The following TAS2R1 variants were observed in gnomAD, a reference collection of about 807,000 sequenced individuals.
TAS2R1 encodes taste receptor type 2 member 1.
For missense variants in TAS2R1, 370 were observed against 353.4 expected (o/e 1.05, Z -0.38); for synonymous variants, 141 against 134.2 (o/e 1.05, Z -0.35).
upstream of TAS2R1, among the ~76,000 whole-genome samples, chr5:9,716,929 A>T (rs1485522903): frequency 1.3e-5 from 2 of 152,124 alleles, no homozygotes; most frequent in African/African-American, 4.8e-5. Context: ...ACCACACAGG[A>T]CTCATGCCTT....
intron 1 of TAS2R1, among the ~76,000 whole-genome samples, chr5:9,687,642 G>A (rs148962275): frequency 5.7e-4 from 86 of 152,094 alleles, no homozygotes; most frequent in African/African-American, 1.9e-3. Context: ...TTCACTAACC[G>A]TACTCCCGTC....
the TAS2R1 span, among the ~76,000 whole-genome samples, chr5:9,819,712 TAAGCCATATCA>T: frequency 2.0e-5 from 3 of 152,136 alleles, no homozygotes; most frequent in Admixed American, 2.0e-4. Flanking sequence ...TTAAAGCAGA[TAAGCCATATCA>T]AAACACAAAA....
At chr5:9,700,797 T>C (rs1187272575) in intron 1 of TAS2R1, among the ~76,000 whole-genome samples, 1 of 152,158 alleles carries the variant, frequency 6.6e-6, no homozygotes, top group African/African-American at 2.4e-5. Flanking sequence ...CTTCTTTCTG[T>C]GCATGTCTCT....
chr5:9,852,266 A>G, the TAS2R1 span, among the ~76,000 whole-genome samples: 1 of 152,020 alleles, frequency 6.6e-6, no homozygotes, highest in Non-Finnish European at 1.5e-5. Flanking sequence ...AAAATTATTG[A>G]GGTCCACTAG....
chr5:9,898,786 G>A, the TAS2R1 span, among the ~76,000 whole-genome samples: 2 of 152,162 alleles, frequency 1.3e-5, no homozygotes, highest in Non-Finnish European at 1.5e-5. Context: ...CCAGATTCCT[G>A]CACCCCTGTC....
chr5:9,656,272 T>G (rs1740417110), intron 2 of TAS2R1, among the ~76,000 whole-genome samples: 1 of 152,240 alleles, frequency 6.6e-6, no homozygotes, highest in Admixed American at 6.5e-5. Context: ...GTTGTGGCAC[T>G]TTCACTCACT....
At chr5:9,716,576 C>A (rs1017352382), upstream of TAS2R1, among the ~76,000 whole-genome samples, 9 of 151,708 alleles carry the variant, frequency 5.9e-5, no homozygotes, top group Non-Finnish European at 8.8e-5. Flanking sequence ...CTTACAGTTA[C>A]TTCCAAACCT....
the TAS2R1 span, among the ~76,000 whole-genome samples, chr5:9,728,177 G>T: frequency 6.6e-6 from 1 of 152,010 alleles, no homozygotes; most frequent in Non-Finnish European, 1.5e-5. Flanking sequence ...ATAGAATGGG[G>T]TCTCAAAGTT....
the TAS2R1 span, among the ~76,000 whole-genome samples, chr5:9,763,479 G>C: frequency 1.3e-5 from 2 of 151,982 alleles, no homozygotes; most frequent in African/African-American, 4.8e-5. Context: ...ACTCCAGCTT[G>C]GGTGACAGAG....
the TAS2R1 span, among the ~76,000 whole-genome samples, chr5:9,774,629 T>C: frequency 3.9e-5 from 6 of 152,276 alleles, no homozygotes; most frequent in African/African-American, 1.4e-4. Flanking sequence ...TTTGGTCATG[T>C]AGCCATATCT....
At chr5:9,873,672 G>C in the TAS2R1 span, among the ~76,000 whole-genome samples, 1 of 151,976 alleles carries the variant, frequency 6.6e-6, no homozygotes, top group African/African-American at 2.4e-5. Context: ...TTCAAGACCA[G>C]CCTGGGCAAC....
intron 1 of TAS2R1, among the ~76,000 whole-genome samples, chr5:9,699,344 G>T (rs1018201599): frequency 6.6e-6 from 1 of 152,210 alleles, no homozygotes; most frequent in African/African-American, 2.4e-5. Context: ...TCCCTTCGAC[G>T]CTTTCATGCT....
the TAS2R1 span, among the ~76,000 whole-genome samples, chr5:9,788,596 AAAAAT>A: frequency 6.6e-6 from 1 of 152,226 alleles, no homozygotes; most frequent in African/African-American, 2.4e-5. Context: ...GTCTCTTAAA[AAAAAT>A]AAAATAAAAA....
chr5:9,743,149 A>T, the TAS2R1 span, among the ~76,000 whole-genome samples: 1 of 151,940 alleles, frequency 6.6e-6, no homozygotes, highest in Non-Finnish European at 1.5e-5. Context: ...CTTATGATAC[A>T]TTCCAGATTA....
the TAS2R1 span, among the ~76,000 whole-genome samples, chr5:9,812,833 GT>G: frequency 6.6e-6 from 1 of 152,102 alleles, no homozygotes; most frequent in Non-Finnish European, 1.5e-5. Context: ...ATGCCTCCCA[GT>G]TTTTTTCTCT....
chr5:9,896,794 T>C, the TAS2R1 span, among the ~76,000 whole-genome samples: 22 of 152,278 alleles, frequency 1.4e-4, 1 homozygote, highest in African/African-American at 4.6e-4. Context: ...AATTATTTTG[T>C]ATCTCCCCAA....
the TAS2R1 span, among the ~76,000 whole-genome samples, chr5:9,724,278 A>G: frequency 2.0e-5 from 3 of 150,962 alleles, no homozygotes; most frequent in Admixed American, 6.6e-5. Flanking sequence ...TTCTGGCTCT[A>G]TTTTAACTTC....
rs1739849581 is a variant in TAS2R1, at chr5:9,630,268, C to T, written c.-236G>A. 3.0e-6 allele frequency: 1 copy of T among 328,740 alleles called. No individual in the cohort carries two copies. Among genetic ancestry groups the T allele is most frequent in the Non-Finnish European group, 5.8e-6 (1 of 172,574 alleles). 20.4% of individuals were successfully genotyped at this position (328,740 alleles called of 1,614,324 possible). On this transcript the variant is annotated 5_prime_UTR_variant, in exon 1 of 1. Transcript: ENST00000382492. Reference sequence around the variant, plus strand: ...GCATCAATTTGCTTCTTATTGATGGCTTTTGCATTTTACAGGTTTACCTAG... The same window carrying T: ...GCATCAATTTGCTTCTTATTGATGGTTTTTGCATTTTACAGGTTTACCTAG...
rs1413735546 is a variant in TAS2R1, at chr5:9,630,133, G to C, written c.-101C>G. 9 of 974,906 alleles carry C rather than the reference G, an allele frequency of 9.2e-6. No homozygotes were observed. Among genetic ancestry groups the C allele is most frequent in the Non-Finnish European group, 1.3e-5 (9 of 680,344 alleles). 60.4% of individuals were successfully genotyped at this position (974,906 alleles called of 1,614,324 possible). On this transcript the variant is annotated 5_prime_UTR_variant, in exon 1 of 1. Coordinates refer to ENST00000382492, the MANE Select transcript of TAS2R1 (RefSeq NM_019599.3). ...TTCAATTAGATCAGGACTCCTCTGG[G>C]GAAGAAGACTAACAATAAAGGCATG...
Sources: allele counts gnomAD v4.1 joint callset (sites outside exome capture counted in the v4.1 genomes callset), GRCh38; gene constraint gnomAD v4.1.1; transcripts MANE v1.5; gene names NCBI Gene and HGNC (gene_info 2026-07-23, HGNC 2026-07-21).